Variants in ITGBL1 observed in about 807,000 individuals in gnomAD.
ITGBL1 encodes integrin beta-like protein 1.
A neutral mutation model predicts 68.5 loss-of-function variants in ITGBL1; 51 were observed. The observed-to-expected ratio is 0.74, with a 90% CI of 0.59 to 0.94. The LOEUF is 0.94. Ranked by LOEUF, ITGBL1 falls within the 40% of genes least tolerant of loss-of-function variation. The probability of loss-of-function intolerance (pLI) is 0.00; values close to 1 mark genes in which losing one functional copy is unlikely to be tolerated. For synonymous variants in ITGBL1, 209 were observed against 227.3 expected, an observed-to-expected ratio of 0.92 and a Z score of 0.72; for missense variants, 649 against 647.4, an observed-to-expected ratio of 1.00 and a Z score of -0.03.
chr13:101,666,938 G>T (rs142050056), intron 7 of ITGBL1, among the ~76,000 whole-genome samples: 4,674 of 152,302 alleles, frequency 0.031, 108 homozygotes, highest in Middle Eastern at 0.071. Context: ...CAAGCCATCT[G>T]CCAAGTATGA....
intron 7 of ITGBL1, among the ~76,000 whole-genome samples, chr13:101,626,187 G>C (rs2031771139): frequency 1.8e-5 from 1 of 56,868 alleles, no homozygotes; most frequent in Non-Finnish European, 3.4e-5. Flanking sequence ...AGAGATCCCA[G>C]GTGATTTGTA....
intron 7 of ITGBL1, among the ~76,000 whole-genome samples, chr13:101,640,164 C>T (rs1407344625): frequency 1.3e-5 from 2 of 152,056 alleles, no homozygotes; most frequent in Non-Finnish European, 2.9e-5. Flanking sequence ...TACACTATTG[C>T]TTTTGAGAAA....
chr13:101,599,531 T>A (rs1347012660), intron 7 of ITGBL1, among the ~76,000 whole-genome samples: 89 of 152,274 alleles, frequency 5.8e-4, no homozygotes, highest in Admixed American at 1.8e-3. Flanking sequence ...TCCTGAATGG[T>A]ATTGCCTAGG....
chr13:101,511,577 T>A (rs865841001), intron 2 of ITGBL1, among the ~76,000 whole-genome samples: 1 of 152,120 alleles, frequency 6.6e-6, no homozygotes, highest in Non-Finnish European at 1.5e-5. Flanking sequence ...GGTAAGCCCT[T>A]TAAAGGAAAA....
At chr13:101,705,618 A>G (rs991807958) in intron 8 of ITGBL1, among the ~76,000 whole-genome samples, 3 of 152,118 alleles carry the variant, frequency 2.0e-5, no homozygotes, top group African/African-American at 7.2e-5. Flanking sequence ...CTCCTAAAAA[A>G]AAAAGAAAAA....
At chr13:101,680,680 A>T (rs2033620432) in intron 7 of ITGBL1, among the ~76,000 whole-genome samples, 1 of 152,192 alleles carries the variant, frequency 6.6e-6, no homozygotes, top group African/African-American at 2.4e-5. Context: ...ACTATGTGCC[A>T]AGCCCTGTAC....
At chr13:101,657,013 A>G (rs2032948966) in intron 7 of ITGBL1, among the ~76,000 whole-genome samples, 1 of 148,980 alleles carries the variant, frequency 6.7e-6, no homozygotes, top group African/African-American at 2.5e-5. Context: ...TGTGCAGGTT[A>G]GTTACATATG....
intron 2 of ITGBL1, among the ~76,000 whole-genome samples, chr13:101,457,359 C>T (rs1270232743): frequency 6.6e-6 from 1 of 152,132 alleles, no homozygotes; most frequent in African/African-American, 2.4e-5. Flanking sequence ...ACTATTTTGG[C>T]CCAGCCTCAG....
At chr13:101,468,443 A>G (rs2048412931) in intron 2 of ITGBL1, among the ~76,000 whole-genome samples, 1 of 152,200 alleles carries the variant, frequency 6.6e-6, no homozygotes, top group African/African-American at 2.4e-5. Context: ...TTTTATAATA[A>G]CTTTTAAGAG....
intron 2 of ITGBL1, among the ~76,000 whole-genome samples, chr13:101,538,937 T>A (rs907006801): frequency 2.0e-5 from 3 of 151,818 alleles, no homozygotes; most frequent in African/African-American, 7.3e-5. Flanking sequence ...CTGTGATATA[T>A]AAAGAGGTTA....
intron 7 of ITGBL1, among the ~76,000 whole-genome samples, chr13:101,607,827 T>C (rs1410050781): frequency 6.6e-6 from 1 of 152,098 alleles, no homozygotes; most frequent in East Asian, 1.9e-4. Flanking sequence ...CATTGACTTC[T>C]ATAATCATCA....
At chr13:101,549,219 GTAACCATATTTTATGGACATACGA>G (rs2049879152) in intron 2 of ITGBL1, among the ~76,000 whole-genome samples, 1 of 151,852 alleles carries the variant, frequency 6.6e-6, no homozygotes, top group South Asian at 2.1e-4. Flanking sequence ...AATATGGACA[GTAACCATATTTTATGGACATACGA>G]TAACCATATT....
Position 101,498,027 on chromosome 13 carries a change from G to A in ITGBL1, c.316+43927G>A, listed in dbSNP as rs563272127. Among the ~76,000 whole-genome samples, 4 of 152,050 alleles carry A rather than the reference G, an allele frequency of 2.6e-5. No homozygotes were observed. The South Asian group carries it at 8.3e-4, about 32-fold the overall frequency. On this transcript the variant is annotated intron_variant, in intron 2 of 10. Transcript: ENST00000376180. Reference sequence around the variant, plus strand: ...AATAGTAGTGTCTGGTTCTGTGTTGGGATTTCACTCAGTAAGGTTTTCCAT... The same window carrying A: ...AATAGTAGTGTCTGGTTCTGTGTTGAGATTTCACTCAGTAAGGTTTTCCAT...
intron 7 of ITGBL1, among the ~76,000 whole-genome samples, chr13:101,667,419 C>T (rs953252287): frequency 2.6e-5 from 4 of 151,544 alleles, no homozygotes; most frequent in South Asian, 2.1e-4. Flanking sequence ...TTATTTTTCT[C>T]ATGGCATTTC....
intron 7 of ITGBL1, among the ~76,000 whole-genome samples, chr13:101,615,612 G>A (rs892413061): frequency 4.6e-5 from 7 of 152,122 alleles, no homozygotes; most frequent in African/African-American, 1.2e-4. Flanking sequence ...GAGTCCTCAT[G>A]AAAGGGAATG....
At chr13:101,453,400 C>T (rs2048191143) in intron 1 of ITGBL1, among the ~76,000 whole-genome samples, 1 of 152,182 alleles carries the variant, frequency 6.6e-6, no homozygotes, top group East Asian at 1.9e-4. Context: ...ATGCCCGATG[C>T]TATCATAGCA....
At chr13:101,692,326 G>A (rs1237411239) in intron 7 of ITGBL1, among the ~76,000 whole-genome samples, 1 of 152,080 alleles carries the variant, frequency 6.6e-6, no homozygotes, top group Non-Finnish European at 1.5e-5. Flanking sequence ...AAAAATGAAT[G>A]AAACAAAAAT....
intron 2 of ITGBL1, among the ~76,000 whole-genome samples, chr13:101,462,646 A>G (rs2048332846): frequency 6.6e-6 from 1 of 152,064 alleles, no homozygotes; most frequent in African/African-American, 2.4e-5. Flanking sequence ...GCAGTGGAGC[A>G]ATCTCAGCTC....
intron 7 of ITGBL1, among the ~76,000 whole-genome samples, chr13:101,608,329 G>A (rs1177040732): frequency 6.7e-6 from 1 of 148,434 alleles, no homozygotes; most frequent in Non-Finnish European, 1.5e-5. Context: ...TTAATTTCCT[G>A]TTTTATTTTT....
Sources: allele counts gnomAD v4.1 joint callset (sites outside exome capture counted in the v4.1 genomes callset), GRCh38; gene constraint gnomAD v4.1.1; transcripts MANE v1.5; gene names NCBI Gene and HGNC (gene_info 2026-07-23, HGNC 2026-07-21).